The following ZNF267 variants were observed in gnomAD, a reference collection of about 807,000 sequenced individuals.
ZNF267 encodes the protein zinc finger protein 267.
A neutral mutation model predicts 71.6 loss-of-function variants in ZNF267; 61 were observed. That is an observed-to-expected ratio of 0.85 (90% CI 0.69 to 1.05). ZNF267 has a LOEUF of 1.05. ZNF267 is among the 50% of genes least tolerant of loss of function. The pLI, the probability that ZNF267 is intolerant of heterozygous loss-of-function variation, is 0.00. For synonymous variants in ZNF267, 288 were observed against 293.2 expected (o/e 0.98, Z 0.18); for missense variants, 852 against 870.0 (o/e 0.98, Z 0.26).
chr16:31,890,670 C>T (rs183814355), intron 3 of ZNF267, among the ~76,000 whole-genome samples: 2 of 152,274 alleles, frequency 1.3e-5, no homozygotes, highest in East Asian at 1.9e-4. Context: ...GCAAAGAAAA[C>T]GACATTGTTA....
intron 3 of ZNF267, among the ~76,000 whole-genome samples, chr16:31,906,631 G>A (rs989526789): frequency 1.1e-4 from 17 of 152,178 alleles, no homozygotes; most frequent in African/African-American, 2.9e-4. Context: ...TTGGAAAAGC[G>A]CTGTATTAGG....
intron 3 of ZNF267, among the ~76,000 whole-genome samples, chr16:31,890,469 CTTTAAG>C (rs1567474317): frequency 6.6e-6 from 1 of 152,156 alleles, no homozygotes; most frequent in African/African-American, 2.4e-5. Context: ...GGTTTCTATT[CTTTAAG>C]TTTATGTTTG....
chr16:31,887,973 C>T (rs933948950), intron 3 of ZNF267, among the ~76,000 whole-genome samples: 3 of 152,052 alleles, frequency 2.0e-5, no homozygotes, highest in Non-Finnish European at 4.4e-5. Context: ...GAAGTATGGA[C>T]ATTTTAGCAA....
intron 3 of ZNF267, among the ~76,000 whole-genome samples, chr16:31,900,182 A>G (rs2142349311): frequency 6.6e-6 from 1 of 152,242 alleles, no homozygotes; most frequent in South Asian, 2.1e-4. Flanking sequence ...AGAGCCATAC[A>G]GTCACACACA....
At chr16:31,895,345 C>G (rs995750044) in intron 3 of ZNF267, among the ~76,000 whole-genome samples, 2 of 152,160 alleles carry the variant, frequency 1.3e-5, no homozygotes, top group African/African-American at 4.8e-5. Context: ...GTACGTACAG[C>G]ACATTTTCAT....
At chr16:31,914,085 G>C (rs2084154394) in intron 3 of ZNF267, 1 of 175,854 alleles carries the variant, frequency 5.7e-6, no homozygotes, top group African/African-American at 2.4e-5. Context: ...ACCACTGTAG[G>C]TTATTCAGAG....
At chr16:31,894,509 C>T in intron 3 of ZNF267, 1 of 498,908 alleles carries the variant, frequency 2.0e-6, no homozygotes, top group South Asian at 1.5e-5. Context: ...TTGTGTGTGA[C>T]ACCTAATTCT....
intron 3 of ZNF267, among the ~76,000 whole-genome samples, chr16:31,907,400 T>C (rs1386404952): frequency 1.3e-5 from 2 of 152,186 alleles, no homozygotes; most frequent in Non-Finnish European, 2.9e-5. Context: ...GACTTCAAAA[T>C]TTCAAATGAC....
At chr16:31,891,474 G>A (rs1418929141) in intron 3 of ZNF267, among the ~76,000 whole-genome samples, 2 of 152,076 alleles carry the variant, frequency 1.3e-5, no homozygotes, top group Admixed American at 6.5e-5. Flanking sequence ...ATTTGATATG[G>A]TTTGGCTGTG....
chr16:31,896,583 T>G (rs2084000870), intron 3 of ZNF267, among the ~76,000 whole-genome samples: 1 of 152,224 alleles, frequency 6.6e-6, no homozygotes, highest in African/African-American at 2.4e-5. Context: ...GAAAATCAGT[T>G]TGCTTTAGAT....
At chr16:31,878,450 A>T (rs772461334) in intron 1 of ZNF267, among the ~76,000 whole-genome samples, 4 of 152,156 alleles carry the variant, frequency 2.6e-5, no homozygotes, top group African/African-American at 7.2e-5. Flanking sequence ...CTTGACTGTC[A>T]GGAATTGCAC....
At chr16:31,877,811 C>T (rs777553306) in intron 1 of ZNF267, among the ~76,000 whole-genome samples, 137 of 152,150 alleles carry the variant, frequency 9.0e-4, no homozygotes, top group Middle Eastern at 3.4e-3. Context: ...CCTATTTTTT[C>T]CCACTACTTT....
rs1301695094 is a variant in ZNF267 at position 31,874,071 on chromosome 16, CGG to C, written c.3+105_3+106del. 2.9e-6 allele frequency: 4 copies of C among 1,368,028 alleles called. No homozygotes were observed. The East Asian group carries it at 9.4e-5, about 32-fold the overall frequency. The allele number at this position is 1,368,028 out of a possible 1,614,324, so 84.7% of individuals were successfully genotyped here. Reference sequence around the variant, plus strand: ...ACCCGGGCCTCCCCGCAGTCAGCCTCGGGGTCTGGGCCCCGAGTCCCAACTGG... The same window carrying C: ...ACCCGGGCCTCCCCGCAGTCAGCCTCGGTCTGGGCCCCGAGTCCCAACTGG... On this transcript the variant is annotated intron_variant, in intron 1 of 3. Transcript: ENST00000300870.
At chr16:31,887,043 A>G (rs1005512669) in intron 3 of ZNF267, among the ~76,000 whole-genome samples, 5 of 152,178 alleles carry the variant, frequency 3.3e-5, no homozygotes, top group African/African-American at 1.2e-4. Context: ...CTCTGACAGC[A>G]GTCATTCTAA....
rs1470562718 is a variant in ZNF267, at chr16:31,915,673, G to A, written c.1424G>A (p.Arg475His). 8 of 1,613,630 alleles carry A rather than the reference G, an allele frequency of 5.0e-6. No individual in the cohort carries two copies. The East Asian group carries it at 6.7e-5, about 13-fold the overall frequency. Residue 475 changes from arginine to histidine, a missense_variant, in exon 4 of 4, where the codon CGT (arginine) becomes CAT (histidine). Transcript: ENST00000300870. ...KCKVCSKSYA[R>H]SSNLIMHQRV... ...AAAGTATGTAGCAAATCTTATGCTC[G>A]TTCTTCAAATCTTATTATGCATCAG...
intron 3 of ZNF267, among the ~76,000 whole-genome samples, chr16:31,892,865 G>A (rs2083970987): frequency 6.6e-6 from 1 of 152,214 alleles, no homozygotes; most frequent in African/African-American, 2.4e-5. Context: ...TTACTGGCTG[G>A]CATTGAGTGT....
chr16:31,899,150 A>T (rs1217361456), intron 3 of ZNF267, among the ~76,000 whole-genome samples: 1 of 152,228 alleles, frequency 6.6e-6, no homozygotes, highest in Non-Finnish European at 1.5e-5. Flanking sequence ...AAGGATATCT[A>T]GGACTTGAAG....
rs192804793 is a variant in ZNF267, at chr16:31,888,003, A to G, written c.226+2747A>G. Among the ~76,000 whole-genome samples, 7 of 152,188 alleles carry G rather than the reference A, an allele frequency of 4.6e-5. No homozygotes were observed. In the East Asian group the frequency reaches 1.3e-3, roughly 29 times the overall value. Reference sequence around the variant, plus strand: ...TAGCAATATTTTTTCCAATCCATGAAGAAGGGATATTTTTCCATTTGTGTC... The same window carrying G: ...TAGCAATATTTTTTCCAATCCATGAGGAAGGGATATTTTTCCATTTGTGTC... On this transcript the variant is annotated intron_variant, in intron 3 of 3. Transcript: ENST00000300870.
At position 31,916,252 on chromosome 16, in the gene ZNF267, C is replaced by G; in HGVS notation, c.2003C>G (p.Ala668Gly). The G allele has an allele frequency of 1.2e-6, 2 of 1,614,082 alleles. No individual in the cohort carries two copies. Among genetic ancestry groups the G allele is most frequent in the African/African-American group, 1.3e-5 (1 of 75,022 alleles). ...TACAAATGTGAAGAATGTGGCAAAG[C>G]CTTCAACTCTAGGTCATACCTCACT... ...RPYKCEECGKAFNSRSYLTTH... is the reference protein window; with the variant it reads ...RPYKCEECGKGFNSRSYLTTH... The change falls in exon 4 of 4, where the codon GCC becomes GGC. Residue 668 changes from alanine to glycine, a missense_variant. Coordinates refer to ENST00000300870, the MANE Select transcript of ZNF267 (RefSeq NM_003414.6).
Sources: gnomAD v4.1 joint callset for allele counts (sites outside exome capture counted in the v4.1 genomes callset) on GRCh38, gnomAD v4.1.1 for gene constraint, MANE v1.5 for transcripts, NCBI Gene and HGNC (gene_info 2026-07-23, HGNC 2026-07-21) for gene names.